Variants in ADNP observed in about 807,000 individuals in gnomAD.
The protein encoded by ADNP is activity dependent neuroprotector homeobox, also known as activity-dependent neuroprotector homeobox protein.
A neutral mutation model predicts 84.9 loss-of-function variants in ADNP; 4 were observed. That is an observed-to-expected ratio of 0.05 (90% CI 0.02 to 0.11). The LOEUF is 0.11. ADNP is among the 10% of genes least tolerant of loss of function. ADNP has a pLI of 1.00. For synonymous variants in ADNP, 554 were observed against 468.1 expected (o/e 1.18, Z -2.37); for missense variants, 1,132 against 1,326.0 (o/e 0.85, Z 2.27).
chr20:50,919,315 A>ATATATATATATATC (rs1555815826), intron 2 of ADNP, among the ~76,000 whole-genome samples: 1 of 147,482 alleles, frequency 6.8e-6, no homozygotes, highest in Non-Finnish European at 1.5e-5. Flanking sequence ...ATATATATAT[A>ATATATATATATATC]TGTAAAAAGC....
Position 50,890,960 on chromosome 20 carries a change from A to C in ADNP, c.*445T>G. On this transcript the variant is annotated 3_prime_UTR_variant, in exon 6 of 6. Coordinates refer to ENST00000621696, the MANE Select transcript of ADNP (RefSeq NM_001282531.3). ...AAAGACTGTACAAATATACATTTCA[A>C]CTATTCAGAATGAATACATGAAAAA... The C allele has an allele frequency of 1.0e-6, 1 of 990,248 alleles. No individual in the cohort carries two copies. Among genetic ancestry groups the C allele is most frequent in the Non-Finnish European group, 1.2e-6 (1 of 833,528 alleles). 61.3% of individuals were successfully genotyped at this position (990,248 alleles called of 1,614,324 possible).
chr20:50,909,899 G>A (rs1456481517), intron 2 of ADNP: 1 of 152,182 alleles, frequency 6.6e-6, no homozygotes, highest in Non-Finnish European at 1.5e-5. Flanking sequence ...AGGAAGCAAA[G>A]GGAACAATTC....
chr20:50,925,838 C>T (rs936756171), intron 2 of ADNP, among the ~76,000 whole-genome samples: 3 of 152,234 alleles, frequency 2.0e-5, no homozygotes, highest in South Asian at 2.1e-4. Context: ...CGGTGGCTCA[C>T]GCCTATAATC....
intron 3 of ADNP, 88 bp from the exon 4 acceptor site, chr20:50,904,089 T>C (rs931367403): frequency 4.0e-6 from 4 of 1,001,986 alleles, no homozygotes; most frequent in African/African-American, 1.6e-5. Flanking sequence ...TCATAAAACC[T>C]ACCCATCTGA....
At chr20:50,922,331 T>TA (rs758687263) in intron 2 of ADNP, among the ~76,000 whole-genome samples, 1 of 152,316 alleles carries the variant, frequency 6.6e-6, no homozygotes, top group Middle Eastern at 3.4e-3. Flanking sequence ...ACTCCAACTG[T>TA]AAGTCTGGGC....
chr20:50,920,262 C>CAAAAAAAAAA (rs56181933), intron 2 of ADNP, among the ~76,000 whole-genome samples: 1 of 64,552 alleles, frequency 1.5e-5, no homozygotes, highest in Non-Finnish European at 2.8e-5. Context: ...ATTCCACCTC[C>CAAAAAAAAAA]AAAAAAAAAA....
rs1359779030 is a variant in ADNP at position 50,919,289 on chromosome 20, G to GTA, written c.-90+9361_-90+9362insTA. On this transcript the variant is annotated intron_variant, in intron 2 of 5. Transcript: ENST00000621696. ...AGCCTGAAAAAATACATATATTTAA[G>GTA]TGTATATATATATATATATATATAT... Among the ~76,000 whole-genome samples, 432 of 64,676 alleles carry GTA rather than the reference G, an allele frequency of 6.7e-3. 14 individuals are homozygous for GTA. The highest frequency in any genetic ancestry group is 0.022 in the African/African-American group (407 of 18,140). The allele number at this position is 64,676 out of a possible 152,430, so 42.4% of individuals were successfully genotyped here. A position where few individuals can be genotyped will look rare whatever the true frequency, so the allele number is the denominator to read the frequency against.
intron 4 of ADNP, 115 bp from the exon 5 acceptor site, chr20:50,902,224 C>T: frequency 1.4e-6 from 1 of 711,986 alleles, no homozygotes; most frequent in Non-Finnish European, 2.4e-6. Flanking sequence ...AAACCAACGT[C>T]AACAAGGACT....
At chr20:50,899,779 T>G (rs1312063286) in intron 5 of ADNP, among the ~76,000 whole-genome samples, 1 of 141,830 alleles carries the variant, frequency 7.1e-6, no homozygotes, top group Non-Finnish European at 1.6e-5. Flanking sequence ...TTAACAACAG[T>G]TTAAAAAGTT....
At chr20:50,926,456 ATTACT>A (rs1984296941) in intron 2 of ADNP, among the ~76,000 whole-genome samples, 1 of 152,252 alleles carries the variant, frequency 6.6e-6, no homozygotes, top group East Asian at 1.9e-4. Context: ...TTTCTTTCAT[ATTACT>A]TTAAAAATCT....
intron 2 of ADNP, among the ~76,000 whole-genome samples, chr20:50,919,260 G>C (rs1431746154): frequency 7.3e-6 from 1 of 136,202 alleles, no homozygotes; most frequent in Non-Finnish European, 1.5e-5. Context: ...AAGAGTTCAA[G>C]ACCAGCCTGA....
chr20:50,893,775 G>C lies in ADNP; in HGVS notation c.939C>G (p.Asn313Lys). Residue 313 changes from asparagine to lysine, a missense_variant, in exon 6 of 6, where the codon AAC becomes AAG. By Grantham distance (94) the Asn-to-Lys change is moderately conservative. This residue lies in a region of ADNP where 239 missense variants were observed against 213.2 expected (regional missense o/e 1.12). Transcript: ENST00000621696. The surrounding 1 kb of genome is among the most constrained non-coding windows in gnomAD (Gnocchi z 4.4). Reference protein sequence around the residue: ...MVNRLSIPKPNLNSTGVNMMS... With the variant: ...MVNRLSIPKPKLNSTGVNMMS... ...TCATGTTGACTCCTGTAGAATTTAA[G>C]TTAGGCTTTGGTATTGAGAGTCGAT... 1 of 1,614,172 alleles carries C rather than the reference G, an allele frequency of 6.2e-7. No individual in the cohort carries two copies. Among genetic ancestry groups the C allele is most frequent in the Non-Finnish European group, 8.5e-7 (1 of 1,180,040 alleles).
At chr20:50,925,106 C>T (rs546291766) in intron 2 of ADNP, among the ~76,000 whole-genome samples, 8 of 152,190 alleles carry the variant, frequency 5.3e-5, no homozygotes, top group African/African-American at 1.9e-4. Context: ...CTCCTTAAGG[C>T]AGAGGACTGA....
intron 2 of ADNP, among the ~76,000 whole-genome samples, chr20:50,908,709 G>A (rs1982737499): frequency 6.6e-6 from 1 of 152,106 alleles, no homozygotes; most frequent in Admixed American, 6.5e-5. Context: ...AGGAGGCAGA[G>A]CTTGCAGTGA....
rs547141285 is a variant in ADNP, at chr20:50,930,370, C to G, written c.-265+456G>C. Among the ~76,000 whole-genome samples, 255 of 152,208 alleles carry G rather than the reference C, an allele frequency of 1.7e-3. 2 individuals carry two copies. The highest frequency in any genetic ancestry group is 3.2e-3 in the Non-Finnish European group (217 of 67,990). On this transcript the variant is annotated intron_variant, in intron 1 of 5. Transcript: ENST00000621696. ...CCCCGCCCCCCCCAACCCCGTCCCC[C>G]CTCCCCCAGGTAAGGGTGGGCAGAC...
chr20:50,918,929 T>C (rs1456910348), intron 2 of ADNP, among the ~76,000 whole-genome samples: 1 of 152,160 alleles, frequency 6.6e-6, no homozygotes, highest in Non-Finnish European at 1.5e-5. Flanking sequence ...AACAGCCTGG[T>C]TCATCACATT....
Position 50,891,316 on chromosome 20 carries a change from G to A in ADNP, c.*89C>T. The A allele has an allele frequency of 2.1e-6, 3 of 1,458,938 alleles. No homozygotes were observed. The highest frequency in any genetic ancestry group is 1.4e-5 in the South Asian group (1 of 69,958). The allele number at this position is 1,458,938 out of a possible 1,614,324, so 90.4% of individuals were successfully genotyped here. A position where few individuals can be genotyped will look rare whatever the true frequency, so the allele number is the denominator to read the frequency against. ...CCACAGTCCAACCAGTACTCACAAG[G>A]CAGTACCAGTGAGAAGACAGCTTTG... On this transcript the variant is annotated 3_prime_UTR_variant, in exon 6 of 6. Transcript: ENST00000621696.
chr20:50,917,979 C>T (rs1178281448), intron 2 of ADNP, among the ~76,000 whole-genome samples: 20 of 152,130 alleles, frequency 1.3e-4, no homozygotes, highest in Admixed American at 1.3e-3. Flanking sequence ...TGATTCCACT[C>T]ATGAGGTACT....
chr20:50,910,785 G>C (rs527377467), intron 2 of ADNP, among the ~76,000 whole-genome samples: 1 of 152,116 alleles, frequency 6.6e-6, no homozygotes, highest in Admixed American at 6.5e-5. Context: ...CTCGCAAGTA[G>C]ATGAGACTAG....
Sources: gnomAD v4.1 joint callset for allele counts (sites outside exome capture counted in the v4.1 genomes callset) on GRCh38, gnomAD v4.1.1 for gene constraint, gnomAD v4.1.1 regional missense constraint, Gnocchi (gnomAD v3.1) non-coding constraint, MANE v1.5 for transcripts, NCBI Gene and HGNC (gene_info 2026-07-23, HGNC 2026-07-21) for gene names.